PHF11: variants seen among roughly 807,000 people sequenced by gnomAD.
PHF11 encodes the protein BRCA1 C-terminus-associated protein.
A neutral mutation model predicts 40.5 loss-of-function variants in PHF11; 38 were observed. That is an observed-to-expected ratio of 0.94 (90% confidence interval 0.72 to 1.23). PHF11 has a LOEUF of 1.23. PHF11 is among the 50% of genes most tolerant of loss of function. The pLI is 0.00. For missense variants in PHF11, 369 were observed against 392.4 expected (o/e 0.94, Z 0.50); for synonymous variants, 127 against 138.2 (o/e 0.92, Z 0.57).
intron 2 of PHF11, among the ~76,000 whole-genome samples, chr13:49,510,135 C>A (rs149582345): frequency 0.021 from 3,180 of 152,174 alleles, 105 homozygotes; most frequent in African/African-American, 0.072. Context: ...AGTGATTCTC[C>A]CATCTCAGCC....
chr13:49,504,652 C>T (rs1345546216), intron 1 of PHF11, among the ~76,000 whole-genome samples: 55 of 150,370 alleles, frequency 3.7e-4, no homozygotes, highest in Middle Eastern at 3.4e-3. Flanking sequence ...CGCCTCTGCC[C>T]GGCCGCCCCT....
intron 1 of PHF11, among the ~76,000 whole-genome samples, chr13:49,499,482 C>G (rs1958872184): frequency 6.6e-6 from 1 of 152,226 alleles, no homozygotes; most frequent in Non-Finnish European, 1.5e-5. Flanking sequence ...GTGATGCATT[C>G]TGTTCCCAGT....
At chr13:49,522,714 A>G (rs114715516) in intron 6 of PHF11, among the ~76,000 whole-genome samples, 1,940 of 152,152 alleles carry the variant, frequency 0.013, 42 homozygotes, top group African/African-American at 0.044. Context: ...TTTATAATAC[A>G]AAACAAAAAT....
At chr13:49,505,554 G>T (rs1245927603) in intron 1 of PHF11, among the ~76,000 whole-genome samples, 1 of 152,096 alleles carries the variant, frequency 6.6e-6, no homozygotes, top group Non-Finnish European at 1.5e-5. Flanking sequence ...ATAAATAAAA[G>T]CTGTTTTCTA....
chr13:49,522,342 G>A (rs1959192355), intron 6 of PHF11, among the ~76,000 whole-genome samples: 1 of 152,168 alleles, frequency 6.6e-6, no homozygotes, highest in South Asian at 2.1e-4. Flanking sequence ...GATGAGATGA[G>A]CATGAAAATG....
At chr13:49,503,584 A>G (rs1310812124) in intron 1 of PHF11, among the ~76,000 whole-genome samples, 1 of 152,244 alleles carries the variant, frequency 6.6e-6, no homozygotes, top group Admixed American at 6.5e-5. Flanking sequence ...TTAAGCACAG[A>G]ATACACACTG....
At chr13:49,507,921 GCA>G (rs1959027874) in intron 2 of PHF11, among the ~76,000 whole-genome samples, 1 of 152,040 alleles carries the variant, frequency 6.6e-6, no homozygotes, top group Admixed American at 6.6e-5. Flanking sequence ...AGGGACGACT[GCA>G]CTATGGCTTT....
chr13:49,513,241 G>T, intron 3 of PHF11, 75 bp downstream of exon 3: 1 of 698,808 alleles, frequency 1.4e-6, no homozygotes, highest in South Asian at 1.8e-5. Flanking sequence ...GAGTCTATTT[G>T]ACTGATACAC....
intron 3 of PHF11, among the ~76,000 whole-genome samples, chr13:49,514,779 A>AT (rs1409663609): frequency 2.1e-5 from 3 of 145,280 alleles, no homozygotes; most frequent in African/African-American, 7.7e-5. Flanking sequence ...AAAAAAAAAG[A>AT]GTGTGTGGAT....
At chr13:49,520,790 G>A (rs780473878) in intron 4 of PHF11, 104 bp from the exon 5 acceptor site, 62 of 753,086 alleles carry the variant, frequency 8.2e-5, no homozygotes, top group Non-Finnish European at 1.1e-4. Flanking sequence ...GTGTGACGCC[G>A]TCATGAAAAG....
intron 1 of PHF11, among the ~76,000 whole-genome samples, chr13:49,501,518 G>C (rs1341832650): frequency 6.6e-6 from 1 of 152,092 alleles, no homozygotes; most frequent in Non-Finnish European, 1.5e-5. Flanking sequence ...AAAATTTTAA[G>C]TGTAGCATTG....
intron 1 of PHF11, among the ~76,000 whole-genome samples, chr13:49,499,390 T>A (rs1364058574): frequency 6.6e-6 from 1 of 152,198 alleles, no homozygotes. Context: ...CCATTGAATA[T>A]CCTATCCTTA....
intron 1 of PHF11, 148 bp downstream of exon 1, chr13:49,496,243 C>G: frequency 4.6e-6 from 3 of 647,682 alleles, no homozygotes; most frequent in Non-Finnish European, 6.5e-6. Context: ...CGGCGCTGGA[C>G]GAACTTGGCT....
At chr13:49,502,623 G>C (rs1023315358) in intron 1 of PHF11, among the ~76,000 whole-genome samples, 1 of 152,174 alleles carries the variant, frequency 6.6e-6, no homozygotes, top group Non-Finnish European at 1.5e-5. Context: ...TGTTACATTC[G>C]TAAGTCCAGA....
intron 5 of PHF11, chr13:49,521,299 A>G (rs1959186436): frequency 1.0e-6 from 1 of 1,000,408 alleles, no homozygotes; most frequent in African/African-American, 1.7e-5. Flanking sequence ...CCTGAGTGAA[A>G]ATTCCCTAAG....
At chr13:49,524,900 G>A (rs1022098761) in intron 8 of PHF11, among the ~76,000 whole-genome samples, 1 of 152,138 alleles carries the variant, frequency 6.6e-6, no homozygotes, top group Non-Finnish European at 1.5e-5. Flanking sequence ...GAGAGTTGTG[G>A]TACATTTTCC....
intron 5 of PHF11, 113 bp from the exon 6 acceptor site, chr13:49,521,930 C>A: frequency 3.7e-6 from 2 of 539,524 alleles, no homozygotes; most frequent in South Asian, 5.3e-5. Flanking sequence ...TTGAAGTTTG[C>A]CATATCTTTT....
intron 2 of PHF11, among the ~76,000 whole-genome samples, chr13:49,507,990 T>G (rs1482151637): frequency 6.6e-6 from 1 of 151,854 alleles, no homozygotes; most frequent in Non-Finnish European, 1.5e-5. Context: ...GCTTTTCATG[T>G]TTGACCAAAA....
intron 7 of PHF11, 35 bp from the exon 8 acceptor site, chr13:49,524,044 CCTAAGA>C (rs1372855527): frequency 1.3e-6 from 2 of 1,569,012 alleles, no homozygotes; most frequent in Non-Finnish European, 8.7e-7. Flanking sequence ...GATTAGCTGC[CCTAAGA>C]CTATTTCCTT....
Sources: allele counts gnomAD v4.1 joint callset (sites outside exome capture counted in the v4.1 genomes callset), GRCh38; gene constraint gnomAD v4.1.1; transcripts MANE v1.5; gene names NCBI Gene and HGNC (gene_info 2026-07-23, HGNC 2026-07-21).